Variants in CDH12 observed in about 807,000 individuals in gnomAD.
CDH12 encodes the protein cadherin-12.
Under a neutral mutation model 74.1 loss-of-function variants are expected in CDH12, and 41 were observed. The ratio of observed to expected loss-of-function variants is 0.55; its 90% CI spans 0.43 to 0.72. The LOEUF is 0.72. Among genes scored for constraint, CDH12 ranks in the 30% least tolerant of loss-of-function variants. The pLI, the probability that CDH12 is intolerant of heterozygous loss-of-function variation, is 0.00. For synonymous variants in CDH12, 399 were observed against 355.0 expected (o/e 1.12, Z -1.39); for missense variants, 945 against 977.2 (o/e 0.97, Z 0.44).
chr5:22,808,310 T>G (rs182658165), intron 1 of CDH12, among the ~76,000 whole-genome samples: 1 of 152,326 alleles, frequency 6.6e-6, no homozygotes, highest in Non-Finnish European at 1.5e-5. Flanking sequence ...GAGACCAAAC[T>G]GCTTTACAAC....
chr5:22,024,070 T>C lies in CDH12; in HGVS notation c.232-48685A>G, dbSNP rs1035388700. 3.3e-5 allele frequency among the ~76,000 whole-genome samples: 5 copies of C among 152,144 alleles called. 1 individual carries two copies. The highest frequency in any genetic ancestry group is 4.4e-5 in the Non-Finnish European group (3 of 68,018). ...TGTTCCCACTACCATGGGGAGGTGA[T>C]TTGAGTATTGAGGTGAGGAAAATGT... On this transcript the variant is annotated intron_variant, in intron 5 of 14. Coordinates refer to ENST00000382254, the MANE Select transcript of CDH12 (RefSeq NM_004061.5).
intron 1 of CDH12, among the ~76,000 whole-genome samples, chr5:22,732,218 T>C (rs79218669): frequency 0.064 from 9,740 of 151,844 alleles, 383 homozygotes; most frequent in African/African-American, 0.1. Flanking sequence ...AGTTTTCTCC[T>C]GGCATCTTCA....
At position 21,854,718 on chromosome 5, in the gene CDH12, T is replaced by C; in HGVS notation, c.599A>G (p.Tyr200Cys). Residue 200 changes from tyrosine (Y) to cysteine (C), a missense_variant, in exon 7 of 15, where the codon TAC becomes TGC. Coordinates refer to ENST00000382254, the MANE Select transcript of CDH12 (RefSeq NM_004061.5). ...ATAAGGTTGTCCCTGAAGAATGCTG[T>C]AAACGACTCTGGCACTGTTTCCATA... is the stretch of plus-strand genomic sequence containing the variant. Reference protein sequence around the residue: ...PTYGNSARVVYSILQGQPYFS... With the variant: ...PTYGNSARVVCSILQGQPYFS... The C allele has an allele frequency of 1.0e-6, 1 of 998,416 alleles. No individual in the cohort carries two copies. 61.8% of individuals were successfully genotyped at this position (998,416 alleles called of 1,614,324 possible).
chr5:22,657,545 C>T (rs1444936617), intron 1 of CDH12, among the ~76,000 whole-genome samples: 1 of 152,138 alleles, frequency 6.6e-6, no homozygotes, highest in African/African-American at 2.4e-5. Flanking sequence ...CAGTTAATTA[C>T]CACAGGTGCA....
At chr5:22,448,867 T>A (rs558002419) in intron 2 of CDH12, among the ~76,000 whole-genome samples, 1 of 151,984 alleles carries the variant, frequency 6.6e-6, no homozygotes, top group Non-Finnish European at 1.5e-5. Context: ...AAATAATGTA[T>A]AGAAAAATGC....
At chr5:21,881,279 A>G (rs1416572401) in intron 6 of CDH12, among the ~76,000 whole-genome samples, 1 of 152,230 alleles carries the variant, frequency 6.6e-6, no homozygotes, top group African/African-American at 2.4e-5. Flanking sequence ...TTATGGAGCT[A>G]TTACAATGTG....
intron 1 of CDH12, among the ~76,000 whole-genome samples, chr5:22,685,497 A>G (rs1477647837): frequency 2.0e-5 from 3 of 152,172 alleles, no homozygotes; most frequent in African/African-American, 7.2e-5. Context: ...TGGCCTCCCA[A>G]AGTGCTGGGA....
At chr5:22,302,318 A>T (rs570002117) in intron 3 of CDH12, among the ~76,000 whole-genome samples, 109 of 152,256 alleles carry the variant, frequency 7.2e-4, no homozygotes, top group Non-Finnish European at 1.3e-3. Context: ...CAAATCAGAG[A>T]CTGTATAAAT....
intron 6 of CDH12, among the ~76,000 whole-genome samples, chr5:21,915,895 T>C (rs1389012209): frequency 6.7e-6 from 1 of 148,162 alleles, no homozygotes; most frequent in Non-Finnish European, 1.5e-5. Flanking sequence ...ATATAAGGGT[T>C]AGGAAAGGAA....
intron 6 of CDH12, among the ~76,000 whole-genome samples, chr5:21,941,364 T>C (rs1455358203): frequency 6.6e-6 from 1 of 152,188 alleles, no homozygotes; most frequent in African/African-American, 2.4e-5. Flanking sequence ...TATGAAAAGA[T>C]AAAAATTAAG....
At chr5:22,829,589 T>G (rs1736490537) in intron 1 of CDH12, among the ~76,000 whole-genome samples, 1 of 152,182 alleles carries the variant, frequency 6.6e-6, no homozygotes, top group Admixed American at 6.5e-5. Context: ...TGTGTCTTGT[T>G]TGCCTAATGT....
At chr5:22,304,379 C>T (rs1738017658) in intron 3 of CDH12, among the ~76,000 whole-genome samples, 1 of 152,098 alleles carries the variant, frequency 6.6e-6, no homozygotes, top group Admixed American at 6.5e-5. Flanking sequence ...TTGGCTTTCT[C>T]ATTTGGTTAT....
chr5:22,452,378 G>A (rs1411566878), intron 2 of CDH12, among the ~76,000 whole-genome samples: 1 of 151,852 alleles, frequency 6.6e-6, no homozygotes. Context: ...CAGACACATA[G>A]ACCAATGGAA....
intron 5 of CDH12, among the ~76,000 whole-genome samples, chr5:22,015,759 A>G (rs556419386): frequency 1.3e-5 from 2 of 152,212 alleles, no homozygotes; most frequent in Non-Finnish European, 2.9e-5. Context: ...ACAGATAGTT[A>G]TACCAGAGAT....
At position 22,301,639 on chromosome 5, in the gene CDH12, A is replaced by T. The variant is rs549255500; in HGVS notation, c.-332-88996T>A. 8.6e-5 allele frequency among the ~76,000 whole-genome samples: 13 copies of T among 150,850 alleles called. No individual in the cohort carries two copies. In the South Asian group the frequency reaches 1.5e-3, roughly 17 times the overall value. On this transcript the variant is annotated intron_variant, in intron 3 of 14. Transcript: ENST00000382254. ...TTTTTCATCCCCTTTTTATTTTTTA[A>T]TTTTTTTTTCAAGACAGGGTTTTGC...
Position 22,802,465 on chromosome 5 carries a change from T to A in CDH12, c.-523+50593A>T, listed in dbSNP as rs146937726. Among the ~76,000 whole-genome samples the A allele has an allele frequency of 3.8e-4, 58 of 152,254 alleles. 2 individuals carry two copies. In the East Asian group the frequency reaches 9.9e-3, roughly 26 times the overall value. ...TCTAAGAGTTAGTAATTGTTTCAAATTGCTTTATAGTAATAAATAATTAGA... is the reference window on the plus strand; with the variant it reads ...TCTAAGAGTTAGTAATTGTTTCAAAATGCTTTATAGTAATAAATAATTAGA... On this transcript the variant is annotated intron_variant, in intron 1 of 14. Coordinates refer to ENST00000382254, the MANE Select transcript of CDH12 (RefSeq NM_004061.5).
intron 1 of CDH12, among the ~76,000 whole-genome samples, chr5:22,807,977 T>A (rs1748905786): frequency 6.6e-6 from 1 of 152,198 alleles, no homozygotes; most frequent in South Asian, 2.1e-4. Flanking sequence ...AATAAAGTAA[T>A]TGTGCTATGA....
chr5:21,992,858 G>A (rs928019519), intron 5 of CDH12, among the ~76,000 whole-genome samples: 8 of 152,118 alleles, frequency 5.3e-5, no homozygotes, highest in African/African-American at 1.7e-4. Context: ...CCTGAGACTG[G>A]GTAATTTATA....
intron 6 of CDH12, among the ~76,000 whole-genome samples, chr5:21,920,073 C>G (rs141084157): frequency 2.9e-3 from 441 of 152,060 alleles, no homozygotes; most frequent in Non-Finnish European, 4.8e-3. Context: ...TATTTTAAAC[C>G]TATAATTATG....
Sources: gnomAD v4.1 joint callset for allele counts (sites outside exome capture counted in the v4.1 genomes callset) on GRCh38, gnomAD v4.1.1 for gene constraint, MANE v1.5 for transcripts, NCBI Gene and HGNC (gene_info 2026-07-23, HGNC 2026-07-21) for gene names.